FGF18: variants seen among roughly 807,000 people sequenced by gnomAD.
FGF18 encodes the protein fibroblast growth factor 18.
In FGF18, 5 loss-of-function variants were observed where a neutral mutation model predicts 23.0. The ratio of observed to expected loss-of-function variants is 0.22; its 90% CI spans 0.11 to 0.46. The LOEUF is 0.46. FGF18 is among the 20% of genes least tolerant of loss of function. The probability of loss-of-function intolerance (pLI) is 0.99; values close to 1 mark genes in which losing one functional copy is unlikely to be tolerated. For synonymous variants in FGF18, 117 were observed against 118.9 expected, an observed-to-expected ratio of 0.98 and a Z score of 0.10; for missense variants, 180 against 291.6, an observed-to-expected ratio of 0.62 and a Z score of 2.79.
intron 3 of FGF18, among the ~76,000 whole-genome samples, chr5:171,443,922 A>G (rs1362180986): frequency 6.6e-6 from 1 of 151,584 alleles, no homozygotes; most frequent in East Asian, 1.9e-4. Context: ...CTTCCGGGGC[A>G]GCTGTGGCCT....
intron 3 of FGF18, among the ~76,000 whole-genome samples, chr5:171,443,564 G>C (rs1015551105): frequency 8.0e-6 from 1 of 124,536 alleles, no homozygotes; most frequent in Non-Finnish European, 1.6e-5. Context: ...TGTTAGCCAG[G>C]ATGGTCTCGA....
chr5:171,425,021 G>A (rs1465173939), intron 2 of FGF18, among the ~76,000 whole-genome samples: 1 of 152,198 alleles, frequency 6.6e-6, no homozygotes, highest in Non-Finnish European at 1.5e-5. Context: ...CCTCCACCCT[G>A]CCCTGGGCAG....
In FGF18 at chr5:171,449,638, C is replaced by G. The variant is rs190176322; in HGVS notation, c.357+385C>G. Among the ~76,000 whole-genome samples the G allele has an allele frequency of 1.8e-3, 268 of 152,164 alleles. 1 individual carries two copies. The highest frequency in any genetic ancestry group is 6.0e-3 in the African/African-American group (248 of 41,502). On this transcript the variant is annotated intron_variant, in intron 4 of 4. Transcript: ENST00000274625. The stretch of plus-strand genomic sequence containing the variant: ...TCCCTGACGTCTGGGAGCAAGGAAC[C>G]GGCAGGCCAAGGGCTGTGGCTGCAT...
chr5:171,444,699 G>A (rs920211718), intron 3 of FGF18, among the ~76,000 whole-genome samples: 3 of 152,206 alleles, frequency 2.0e-5, no homozygotes, highest in South Asian at 2.1e-4. Flanking sequence ...GGAATCAGAC[G>A]CTGGACTCAG....
chr5:171,445,841 T>C (rs1772411016), intron 3 of FGF18, among the ~76,000 whole-genome samples: 1 of 152,102 alleles, frequency 6.6e-6, no homozygotes, highest in African/African-American at 2.4e-5. Context: ...CTCCTCCGCC[T>C]GGCCTGGTGC....
chr5:171,439,745 G>A (rs2113348790), intron 3 of FGF18, among the ~76,000 whole-genome samples: 2 of 152,302 alleles, frequency 1.3e-5, no homozygotes, highest in Non-Finnish European at 2.9e-5. Context: ...CAACTCCTCA[G>A]AAGGAGAGGG....
At chr5:171,445,310 G>A (rs539031742) in intron 3 of FGF18, among the ~76,000 whole-genome samples, 1 of 152,148 alleles carries the variant, frequency 6.6e-6, no homozygotes, top group South Asian at 2.1e-4. Flanking sequence ...GTGGGTTGGG[G>A]ATCCCTAGGA....
At chr5:171,439,989 C>T (rs1277064479) in intron 3 of FGF18, among the ~76,000 whole-genome samples, 1 of 152,168 alleles carries the variant, frequency 6.6e-6, no homozygotes, top group Non-Finnish European at 1.5e-5. Context: ...AGTGGCCCTG[C>T]TAGCCAGGGA....
chr5:171,440,643 A>G lies in FGF18; in HGVS notation c.250+4370A>G, dbSNP rs1033477762. 2.0e-5 allele frequency among the ~76,000 whole-genome samples: 3 copies of G among 152,068 alleles called. No individual in the cohort carries two copies. The highest frequency in any genetic ancestry group is 6.5e-5 in the Admixed American group (1 of 15,270). On this transcript the variant is annotated intron_variant, in intron 3 of 4. Coordinates refer to ENST00000274625, the MANE Select transcript of FGF18 (RefSeq NM_003862.3). This position sits in a 1 kb window ranked among gnomAD's most constrained non-coding sequence, Gnocchi z 4.0. ...GAACTTCCCACGTGACTGTGAGCCC[A>G]CCCATTCTCTCCCTGAGCCTCGGTT...
In FGF18 at chr5:171,436,058, C is replaced by T. The variant is rs545570966; in HGVS notation, c.70-35C>T. 4 of 1,461,244 alleles carry T rather than the reference C, an allele frequency of 2.7e-6. No individual in the cohort carries two copies. The highest frequency in any genetic ancestry group is 2.6e-5 in the East Asian group (1 of 38,340). 90.5% of individuals were successfully genotyped at this position (1,461,244 alleles called of 1,614,324 possible). On this transcript the variant is annotated intron_variant, in intron 2 of 4. Transcript: ENST00000274625. This position sits in a 1 kb window ranked among gnomAD's most constrained non-coding sequence, Gnocchi z 4.4. ...CCTGCATGCAGTGGGCCTGGGACAT[C>T]TGGGGTGGCTTACTGTGTCCTTTTC... is the stretch of plus-strand genomic sequence containing the variant.
chr5:171,449,007 G>A lies in FGF18; in HGVS notation c.251-140G>A, dbSNP rs1035989356. On this transcript the variant is annotated intron_variant, in intron 3 of 4. Transcript: ENST00000274625. Reference sequence around the variant, plus strand: ...GGTTATTTAGGCATCTGTCCTGTGGGACTTGTTAGGCCTCCCCATGCCTGA... The same window carrying A: ...GGTTATTTAGGCATCTGTCCTGTGGAACTTGTTAGGCCTCCCCATGCCTGA... 4 of 666,882 alleles carry A rather than the reference G, an allele frequency of 6.0e-6. No homozygotes were observed. In the Admixed American group the frequency reaches 6.6e-5, roughly 11 times the overall value. The allele number at this position is 666,882 out of a possible 1,614,324, so 41.3% of individuals were successfully genotyped here. A position where few individuals can be genotyped will look rare whatever the true frequency, so the allele number is the denominator to read the frequency against.
chr5:171,449,285 C>T (rs757526091), intron 4 of FGF18, 32 bp downstream of exon 4: 11 of 1,519,176 alleles, frequency 7.2e-6, no homozygotes, highest in Admixed American at 1.7e-5. Context: ...CCGGGAACTT[C>T]GGGTTCCCCT....
At chr5:171,446,887 C>G (rs1772426813) in intron 3 of FGF18, among the ~76,000 whole-genome samples, 1 of 152,114 alleles carries the variant, frequency 6.6e-6, no homozygotes, top group African/African-American at 2.4e-5. Flanking sequence ...TGTCTGCAGC[C>G]CTCAAGGATG....
intron 2 of FGF18, among the ~76,000 whole-genome samples, chr5:171,421,098 A>T (rs1771998607): frequency 6.6e-6 from 1 of 152,220 alleles, no homozygotes; most frequent in African/African-American, 2.4e-5. Context: ...CTCTCCGTGA[A>T]TCAGAAGAGG....
chr5:171,439,459 C>T (rs1772302177), intron 3 of FGF18, among the ~76,000 whole-genome samples: 1 of 152,196 alleles, frequency 6.6e-6, no homozygotes, highest in African/African-American at 2.4e-5. Flanking sequence ...GGCACCCTGC[C>T]CACCTGGGAT....
chr5:171,424,216 A>C (rs1772060074), intron 2 of FGF18, among the ~76,000 whole-genome samples: 1 of 152,248 alleles, frequency 6.6e-6, no homozygotes, highest in Non-Finnish European at 1.5e-5. Flanking sequence ...AGAAAGTGCC[A>C]GATGAACAGA....
chr5:171,449,400 T>TGTGTGTGTGTGTGTGTGA (rs1458322429), intron 4 of FGF18, 147 bp downstream of exon 4: 96 of 363,182 alleles, frequency 2.6e-4, no homozygotes, highest in South Asian at 6.5e-4. Context: ...TGTGTGTGTG[T>TGTGTGTGTGTGTGTGTGA]GAGAGAGAGA....
intron 2 of FGF18, among the ~76,000 whole-genome samples, chr5:171,429,129 G>T (rs928047599): frequency 2.6e-5 from 4 of 152,194 alleles, no homozygotes; most frequent in Non-Finnish European, 4.4e-5. Context: ...GGTTGAGGAG[G>T]TGGGGGCACC....
intron 2 of FGF18, among the ~76,000 whole-genome samples, chr5:171,430,584 C>T (rs376145010): frequency 1.2e-4 from 17 of 142,044 alleles, no homozygotes; most frequent in Admixed American, 1.2e-3. Context: ...GTCAGGAGAT[C>T]GAGACCATCC....
Sources: allele counts gnomAD v4.1 joint callset (sites outside exome capture counted in the v4.1 genomes callset), GRCh38; gene constraint gnomAD v4.1.1; non-coding constraint Gnocchi (gnomAD v3.1); transcripts MANE v1.5; gene names NCBI Gene and HGNC (gene_info 2026-07-23, HGNC 2026-07-21).